GNA12: variants seen among roughly 807,000 people sequenced by gnomAD.
The protein encoded by GNA12 is G protein subunit alpha 12, also known as guanine nucleotide-binding protein subunit alpha-12.
In GNA12, 9 loss-of-function variants were observed where a neutral mutation model predicts 26.0. That is an observed-to-expected ratio of 0.35 (90% confidence interval 0.21 to 0.60). The LOEUF is 0.60. GNA12 is among the 20% of genes least tolerant of loss of function. The pLI is 0.78. For missense variants in GNA12, 405 were observed against 525.8 expected (o/e 0.77, Z 2.25); for synonymous variants, 264 against 219.6 (o/e 1.20, Z -1.79).
At chr7:2,739,265 C>T (rs934031049) in intron 2 of GNA12, among the ~76,000 whole-genome samples, 6 of 152,218 alleles carry the variant, frequency 3.9e-5, no homozygotes, top group Admixed American at 1.3e-4. Context: ...ACCACTTCTA[C>T]AGCCTATCAG....
At chr7:2,791,699 A>G (rs1246604857) in intron 2 of GNA12, among the ~76,000 whole-genome samples, 1 of 151,404 alleles carries the variant, frequency 6.6e-6, no homozygotes, top group African/African-American at 2.4e-5. Context: ...TCAGGAAAAG[A>G]TTGGAAGAGA....
chr7:2,807,577 A>G lies in GNA12; in HGVS notation c.310-12434T>C, dbSNP rs34660119. Among the ~76,000 whole-genome samples, 14 of 151,418 alleles carry G rather than the reference A, an allele frequency of 9.2e-5. No individual in the cohort carries two copies. The East Asian group carries it at 2.1e-3, about 23-fold the overall frequency. On this transcript the variant is annotated intron_variant, in intron 1 of 3. Transcript: ENST00000275364. ...GAATTAATGAGCATTAAAATAAGGT[A>G]TAAGAGAGAAAAAAAAAAAAACCTA... is the stretch of plus-strand genomic sequence containing the variant.
chr7:2,762,609 C>T, intron 2 of GNA12: 1 of 1,533,010 alleles, frequency 6.5e-7, no homozygotes, highest in South Asian at 1.3e-5. Context: ...AGGACAATCC[C>T]CTTCCGGATA....
intron 2 of GNA12, among the ~76,000 whole-genome samples, chr7:2,752,091 C>CT (rs1250281390): frequency 5.8e-4 from 89 of 152,214 alleles, no homozygotes; most frequent in African/African-American, 2.0e-3. Flanking sequence ...GACACAATAT[C>CT]TTTAACAAAA....
chr7:2,800,367 G>C (rs898643608), intron 1 of GNA12, among the ~76,000 whole-genome samples: 8 of 152,214 alleles, frequency 5.3e-5, no homozygotes, highest in African/African-American at 1.9e-4. Context: ...GGGGCAACAC[G>C]AGGAGATCTT....
At chr7:2,798,988 T>C (rs1792744727) in intron 1 of GNA12, among the ~76,000 whole-genome samples, 1 of 152,132 alleles carries the variant, frequency 6.6e-6, no homozygotes, top group African/African-American at 2.4e-5. Flanking sequence ...GGAAGAACCT[T>C]GACCTAAACC....
At chr7:2,733,533 T>C in intron 2 of GNA12, 32 bp from the exon 3 acceptor site, 1 of 1,578,994 alleles carries the variant, frequency 6.3e-7, no homozygotes, top group Non-Finnish European at 8.7e-7. Flanking sequence ...CACAGCTCAG[T>C]CTGGACTGAG....
chr7:2,787,076 C>A (rs1792380462), intron 2 of GNA12, among the ~76,000 whole-genome samples: 1 of 152,082 alleles, frequency 6.6e-6, no homozygotes, highest in Admixed American at 6.5e-5. Context: ...GTGGGCTCCC[C>A]AGTAAGCACC....
At chr7:2,732,043 T>C (rs1789924149) in intron 3 of GNA12, among the ~76,000 whole-genome samples, 1 of 152,306 alleles carries the variant, frequency 6.6e-6, no homozygotes, top group East Asian at 1.9e-4. Flanking sequence ...CAGAGGAAAT[T>C]TACCATCTTT....
chr7:2,763,550 C>T (rs1348325035), intron 2 of GNA12, among the ~76,000 whole-genome samples: 1 of 152,220 alleles, frequency 6.6e-6, no homozygotes, highest in African/African-American at 2.4e-5. Context: ...TCTCAATTCT[C>T]AATGGTCCTG....
chr7:2,792,525 T>A (rs1440402271), intron 2 of GNA12, among the ~76,000 whole-genome samples: 5 of 152,370 alleles, frequency 3.3e-5, no homozygotes, highest in Admixed American at 6.5e-5. Context: ...CAGACACTTC[T>A]GCTTCCTTCT....
chr7:2,753,243 T>A (rs527420928), intron 2 of GNA12, among the ~76,000 whole-genome samples: 1 of 152,128 alleles, frequency 6.6e-6, no homozygotes, highest in South Asian at 2.1e-4. Flanking sequence ...CAAACTCTCC[T>A]CCCAGGCTCA....
At chr7:2,778,079 C>T (rs747016219) in intron 2 of GNA12, among the ~76,000 whole-genome samples, 28 of 152,168 alleles carry the variant, frequency 1.8e-4, no homozygotes, top group Non-Finnish European at 3.7e-4. Flanking sequence ...TACACTATGC[C>T]GCCTTAGCGG....
Position 2,751,087 on chromosome 7 carries a change from C to T in GNA12, c.526-17586G>A, listed in dbSNP as rs532455328. On this transcript the variant is annotated intron_variant, in intron 2 of 3. Coordinates refer to ENST00000275364, the MANE Select transcript of GNA12 (RefSeq NM_007353.3). Reference sequence around the variant, plus strand: ...CAGCATTTCGGGGAGAAATCTGTTGCTTTACATGCTTATATTAGGGCCGGG... The same window carrying T: ...CAGCATTTCGGGGAGAAATCTGTTGTTTTACATGCTTATATTAGGGCCGGG... Among the ~76,000 whole-genome samples, 10 of 152,258 alleles carry T rather than the reference C, an allele frequency of 6.6e-5. No homozygotes were observed. The South Asian group carries it at 2.1e-3, about 32-fold the overall frequency.
intron 1 of GNA12, among the ~76,000 whole-genome samples, chr7:2,834,679 T>A (rs1778778551): frequency 6.6e-6 from 1 of 152,210 alleles, no homozygotes; most frequent in African/African-American, 2.4e-5. Flanking sequence ...GAACCACATA[T>A]ACGATGGTGG....
chr7:2,791,140 G>A (rs574185097), intron 2 of GNA12, among the ~76,000 whole-genome samples: 1 of 152,152 alleles, frequency 6.6e-6, no homozygotes, highest in East Asian at 1.9e-4. Flanking sequence ...TTAAAAAAGA[G>A]GACAGACAAG....
chr7:2,811,061 C>T (rs556296389), intron 1 of GNA12, among the ~76,000 whole-genome samples: 9 of 152,226 alleles, frequency 5.9e-5, no homozygotes, highest in African/African-American at 1.7e-4. Context: ...CTTCCTGAGT[C>T]GTCAAGTGAG....
intron 1 of GNA12, 65 bp from the exon 2 acceptor site, chr7:2,795,208 G>A (rs1381466514): frequency 1.7e-6 from 2 of 1,183,106 alleles, no homozygotes; most frequent in South Asian, 1.3e-5. Flanking sequence ...CGCTAGAGAA[G>A]CTCAAAATGG....
rs1364518470 is a variant in GNA12, at chr7:2,730,904, G to T, written c.*277C>A. The T allele has an allele frequency of 4.9e-6, 2 of 405,170 alleles. No individual in the cohort carries two copies. Among genetic ancestry groups the T allele is most frequent in the African/African-American group, 3.9e-5 (2 of 50,738 alleles). The allele number at this position is 405,170 out of a possible 1,614,324, so 25.1% of individuals were successfully genotyped here. On this transcript the variant is annotated 3_prime_UTR_variant, in exon 4 of 4. Coordinates refer to ENST00000275364, the MANE Select transcript of GNA12 (RefSeq NM_007353.3). ...AGAGGAACGTTTCTGTAAAAGCAAA[G>T]CAAGCTGTGTGATTAGGTGTTCCGT...
Sources: gnomAD v4.1 joint callset for allele counts (sites outside exome capture counted in the v4.1 genomes callset) on GRCh38, gnomAD v4.1.1 for gene constraint, MANE v1.5 for transcripts, NCBI Gene and HGNC (gene_info 2026-07-23, HGNC 2026-07-21) for gene names.